DCAF8L2: variants seen among roughly 807,000 people sequenced by gnomAD.
DCAF8L2 encodes the protein DDB1- and CUL4-associated factor 8-like protein 2.
For synonymous variants in DCAF8L2, 200 were observed against 190.9 expected (o/e 1.05, Z -0.39); for missense variants, 430 against 490.7 (o/e 0.88, Z 1.17).
At chrX:27,674,133 T>C (rs2147231686) in intron 2 of DCAF8L2, among the ~76,000 whole-genome samples, 1 of 111,589 alleles carries the variant, frequency 9.0e-6, no homozygotes, top group African/African-American at 3.3e-5. Flanking sequence ...AGACATACTT[T>C]CCACTTATTA....
intron 3 of DCAF8L2, among the ~76,000 whole-genome samples, chrX:27,700,303 A>T (rs1931082404): frequency 9.0e-6 from 1 of 110,816 alleles, no homozygotes; most frequent in Admixed American, 9.7e-5. Flanking sequence ...AACTAACTGA[A>T]AAAGGAGGAA....
the DCAF8L2 span, among the ~76,000 whole-genome samples, chrX:27,501,519 A>T: frequency 9.0e-6 from 1 of 111,493 alleles, no homozygotes; most frequent in Non-Finnish European, 1.9e-5. Context: ...TGAGCTGAGA[A>T]AGAGAGTGCT....
At chrX:27,589,414 T>TA (rs1925981665), upstream of DCAF8L2, among the ~76,000 whole-genome samples, 1 of 112,194 alleles carries the variant, frequency 8.9e-6, no homozygotes. Flanking sequence ...AGCAAGCACT[T>TA]ACCATGTAGG....
chrX:27,748,013 C>T lies in DCAF8L2; in HGVS notation c.1118C>T (p.Thr373Ile). 8.3e-7 allele frequency: 1 copy of T among 1,211,745 alleles called. No individual in the cohort carries two copies. The highest frequency in any genetic ancestry group is 1.1e-6 in the Non-Finnish European group (1 of 895,379). The change falls in exon 5 of 5, where the codon ACT becomes ATT. Residue 373 changes from threonine to isoleucine, a missense_variant. Transcript: ENST00000451261. ...NDKKVGLYTI[T>I]VNPANTYQFA... ...AAGAAAGTGGGACTGTATACAATTA[C>T]TGTGAATCCCGCCAATACCTACCAA...
chrX:27,599,477 T>G (rs1448823685), intron 1 of DCAF8L2, among the ~76,000 whole-genome samples: 1 of 111,304 alleles, frequency 9.0e-6, no homozygotes, highest in Non-Finnish European at 1.9e-5. Context: ...TAAAAATACT[T>G]TATTGTGCCC....
At chrX:27,506,026 A>G in the DCAF8L2 span, among the ~76,000 whole-genome samples, 1 of 112,405 alleles carries the variant, frequency 8.9e-6, no homozygotes, top group African/African-American at 3.2e-5. Flanking sequence ...TAAAAGAATC[A>G]TCAAATAACT....
the DCAF8L2 span, among the ~76,000 whole-genome samples, chrX:27,528,660 T>C: frequency 9.1e-6 from 1 of 110,363 alleles, no homozygotes; most frequent in Non-Finnish European, 1.9e-5. Flanking sequence ...GTATTATTCT[T>C]TATTTTTCAG....
chrX:27,704,292 A>G (rs1031017604), intron 3 of DCAF8L2, among the ~76,000 whole-genome samples: 9 of 107,200 alleles, frequency 8.4e-5, no homozygotes, highest in Non-Finnish European at 1.5e-4. Context: ...ATATATATAC[A>G]TATATATGTG....
chrX:27,533,180 A>AGAGAGAGAGAGAGAGAGAG, the DCAF8L2 span, among the ~76,000 whole-genome samples: 13 of 18,633 alleles, frequency 7.0e-4, no homozygotes, highest in Middle Eastern at 0.029. Flanking sequence ...GAAAGAAAGA[A>AGAGAGAGAGAGAGAGAGAG]AGAAAGAAAG....
At chrX:27,668,896 C>G (rs1390493442) in intron 2 of DCAF8L2, among the ~76,000 whole-genome samples, 1 of 108,502 alleles carries the variant, frequency 9.2e-6, no homozygotes, top group Non-Finnish European at 1.9e-5. Flanking sequence ...GATCGTGCCA[C>G]TGCACTCCAG....
intron 1 of DCAF8L2, among the ~76,000 whole-genome samples, chrX:27,609,354 A>G: frequency 1.8e-5 from 2 of 111,742 alleles, no homozygotes; most frequent in South Asian, 7.5e-4. Flanking sequence ...ATAGGAGGTA[A>G]AGCTGTGGAA....
intron 4 of DCAF8L2, among the ~76,000 whole-genome samples, chrX:27,737,657 T>C (rs765765148): frequency 4.5e-5 from 5 of 111,247 alleles, no homozygotes; most frequent in Non-Finnish European, 9.4e-5. Flanking sequence ...TCAATTAGCA[T>C]ACATTTGGCT....
chrX:27,613,059 A>G (rs1193394544), intron 1 of DCAF8L2, among the ~76,000 whole-genome samples: 1 of 111,572 alleles, frequency 9.0e-6, no homozygotes, highest in African/African-American at 3.3e-5. Flanking sequence ...CATTTTCACA[A>G]TATTGATTCT....
rs1315096620 is a variant in DCAF8L2, at chrX:27,748,053, A to G, written c.1158A>G (p.Gly386=). Residue 386 remains glycine (G), a synonymous_variant, in exon 5 of 5, where the codon GGA becomes GGG. Transcript: ENST00000451261. The part of the protein sequence containing the change: ...PANTYQFAVG[G]QDQFVRIYDQ... ...ATACCTACCAATTTGCAGTGGGTGGACAAGATCAGTTTGTAAGGATTTATG... is the reference window on the plus strand; with the variant it reads ...ATACCTACCAATTTGCAGTGGGTGGGCAAGATCAGTTTGTAAGGATTTATG... 7 of 1,210,639 alleles carry G rather than the reference A, an allele frequency of 5.8e-6. No homozygotes were observed. Among genetic ancestry groups the G allele is most frequent in the Non-Finnish European group, 7.8e-6 (7 of 895,411 alleles).
chrX:27,514,252 CAT>C, the DCAF8L2 span, among the ~76,000 whole-genome samples: 2 of 107,457 alleles, frequency 1.9e-5, no homozygotes, highest in African/African-American at 3.4e-5. Flanking sequence ...CACATATGTA[CAT>C]ATATGTGTGC....
chrX:27,703,555 A>G, intron 3 of DCAF8L2, among the ~76,000 whole-genome samples: 1 of 111,494 alleles, frequency 9.0e-6, no homozygotes, highest in South Asian at 3.8e-4. Flanking sequence ...TGGTCAATTG[A>G]TTTTTGAAAA....
intron 1 of DCAF8L2, among the ~76,000 whole-genome samples, chrX:27,615,520 T>TACCA (rs1927422373): frequency 1.2e-5 from 1 of 82,563 alleles, no homozygotes; most frequent in African/African-American, 4.8e-5. Context: ...TAGTAGATTC[T>TACCA]ATCAATCTAT....
chrX:27,582,452 C>T, the DCAF8L2 span, among the ~76,000 whole-genome samples: 2 of 110,794 alleles, frequency 1.8e-5, no homozygotes, highest in African/African-American at 6.6e-5. Flanking sequence ...TCAGTCTTCC[C>T]TTGTTTTTTA....
the DCAF8L2 span, among the ~76,000 whole-genome samples, chrX:27,504,291 A>G: frequency 8.9e-6 from 1 of 111,939 alleles, no homozygotes; most frequent in African/African-American, 3.2e-5. Flanking sequence ...TTTAATCCCA[A>G]TATTTGTTAA....
Sources: gnomAD v4.1 joint callset for allele counts (sites outside exome capture counted in the v4.1 genomes callset) on GRCh38, gnomAD v4.1.1 for gene constraint, MANE v1.5 for transcripts, NCBI Gene and HGNC (gene_info 2026-07-23, HGNC 2026-07-21) for gene names.